PTPRT: variants seen among roughly 807,000 people sequenced by gnomAD.
The protein encoded by PTPRT is receptor-type tyrosine-protein phosphatase T.
Under a neutral mutation model 176.8 loss-of-function variants are expected in PTPRT, and 56 were observed. The ratio of observed to expected loss-of-function variants is 0.32; its 90% CI spans 0.26 to 0.40. The LOEUF is 0.40. Among genes scored for constraint, PTPRT ranks in the 10% least tolerant of loss-of-function variants. The probability of loss-of-function intolerance (pLI) is 1.00; values close to 1 mark genes in which losing one functional copy is unlikely to be tolerated. For synonymous variants in PTPRT, 783 were observed against 739.0 expected (o/e 1.06, Z -0.96); for missense variants, 1,540 against 1,908.2 (o/e 0.81, Z 3.60).
intron 12 of PTPRT, among the ~76,000 whole-genome samples, chr20:42,287,852 C>A (rs1206330698): frequency 6.6e-6 from 1 of 151,516 alleles, no homozygotes; most frequent in South Asian, 2.1e-4. Flanking sequence ...AATTAGTATA[C>A]GTTAAAAACA....
intron 1 of PTPRT, among the ~76,000 whole-genome samples, chr20:43,186,591 A>G (rs1037408103): frequency 1.3e-5 from 2 of 152,224 alleles, no homozygotes; most frequent in African/African-American, 4.8e-5. Flanking sequence ...TGACACCTTC[A>G]AGAGCTGTGC....
At chr20:42,059,568 T>G in the PTPRT span, among the ~76,000 whole-genome samples, 1,538 of 152,234 alleles carry the variant, frequency 0.01, 25 homozygotes, top group African/African-American at 0.035. Context: ...TTTTTTATGA[T>G]TGGATGTAAT....
intron 1 of PTPRT, among the ~76,000 whole-genome samples, chr20:43,042,082 G>A (rs1986630737): frequency 6.6e-6 from 1 of 152,158 alleles, no homozygotes. Context: ...TACAATAGCT[G>A]CTCCACTGAA....
chr20:42,802,427 C>A (rs576088255), intron 2 of PTPRT, among the ~76,000 whole-genome samples: 1 of 152,246 alleles, frequency 6.6e-6, no homozygotes, highest in African/African-American at 2.4e-5. Flanking sequence ...CCAACTCCAA[C>A]AGCCTGAGCC....
At chr20:42,845,474 T>A (rs1160930300) in intron 2 of PTPRT, among the ~76,000 whole-genome samples, 1 of 152,198 alleles carries the variant, frequency 6.6e-6, no homozygotes, top group Non-Finnish European at 1.5e-5. Flanking sequence ...CACATGTGTG[T>A]GACAGAGTGT....
rs146494918 is a variant in PTPRT, at chr20:42,187,479, A to C, written c.2491+11761T>G. On this transcript the variant is annotated intron_variant, in intron 16 of 30. Coordinates refer to ENST00000373187, the MANE Select transcript of PTPRT (RefSeq NM_007050.6). ...GAATTATGGAAATGGTGATGCACTG[A>C]GCATAGGGGCTTTGCCCATCCTTGG... 1.2e-4 allele frequency among the ~76,000 whole-genome samples: 18 copies of C among 152,336 alleles called. No homozygotes were observed. In the East Asian group the frequency reaches 3.5e-3, roughly 29 times the overall value.
intron 15 of PTPRT, among the ~76,000 whole-genome samples, chr20:42,228,360 A>G (rs2056064451): frequency 6.6e-6 from 1 of 152,240 alleles, no homozygotes; most frequent in African/African-American, 2.4e-5. Flanking sequence ...TCTGTTTGGC[A>G]TGCGTGACTG....
At chr20:42,906,766 A>C (rs992675723) in intron 1 of PTPRT, among the ~76,000 whole-genome samples, 1 of 152,202 alleles carries the variant, frequency 6.6e-6, no homozygotes, top group African/African-American at 2.4e-5. Flanking sequence ...TTCCCGTTTC[A>C]GTCTCACAAT....
At chr20:43,188,750 G>GA (rs1001041843) in intron 1 of PTPRT, among the ~76,000 whole-genome samples, 1 of 10,564 alleles carries the variant, frequency 9.5e-5, no homozygotes, top group Non-Finnish European at 3.4e-4. Context: ...CGCTACTCTT[G>GA]GGGGGGGGGG....
intron 1 of PTPRT, chr20:42,971,064 A>C (rs1982607574): frequency 6.6e-6 from 1 of 152,182 alleles, no homozygotes; most frequent in Admixed American, 6.5e-5. Context: ...GCATTTCAAA[A>C]CCCTAACAAA....
chr20:42,550,963 T>A (rs2072759754), intron 7 of PTPRT, among the ~76,000 whole-genome samples: 1 of 152,142 alleles, frequency 6.6e-6, no homozygotes, highest in Non-Finnish European at 1.5e-5. Flanking sequence ...TCATCGGAAT[T>A]GGACTCGATT....
chr20:42,543,616 C>A (rs2072621626), intron 7 of PTPRT, among the ~76,000 whole-genome samples: 1 of 151,728 alleles, frequency 6.6e-6, no homozygotes, highest in Non-Finnish European at 1.5e-5. Context: ...TCATGAATGT[C>A]CTTAATGGCA....
At chr20:43,001,484 A>AC (rs1286897263) in intron 1 of PTPRT, among the ~76,000 whole-genome samples, 11 of 64,212 alleles carry the variant, frequency 1.7e-4, no homozygotes, top group South Asian at 8.4e-4. Context: ...AACAACAACA[A>AC]AAAAAAAACA....
intron 15 of PTPRT, among the ~76,000 whole-genome samples, chr20:42,222,629 G>C (rs950531332): frequency 6.6e-6 from 1 of 152,226 alleles, no homozygotes; most frequent in African/African-American, 2.4e-5. Flanking sequence ...TGGAGAGAGA[G>C]CTTCCAGATA....
At chr20:42,469,881 C>T (rs890533774) in intron 8 of PTPRT, among the ~76,000 whole-genome samples, 4 of 152,066 alleles carry the variant, frequency 2.6e-5, no homozygotes, top group Non-Finnish European at 5.9e-5. Flanking sequence ...GGCACTATTT[C>T]CCTTGTCTTC....
rs187269321 is a variant in PTPRT at position 42,761,219 on chromosome 20, G to A, written c.685-4583C>T. ...GGAGGCCCAGGCAGGTGGACCACCT[G>A]AGGTAGGGAGTTCAAGACCAGCCTG... On this transcript the variant is annotated intron_variant, in intron 5 of 30. Transcript: ENST00000373187. 2.2e-3 allele frequency among the ~76,000 whole-genome samples: 341 copies of A among 152,212 alleles called. 5 individuals are homozygous for A. Among genetic ancestry groups the A allele is most frequent in the Non-Finnish European group, 1.2e-3 (84 of 68,018 alleles).
At chr20:42,149,716 G>T (rs993835417) in intron 17 of PTPRT, among the ~76,000 whole-genome samples, 19 of 152,274 alleles carry the variant, frequency 1.2e-4, no homozygotes, top group African/African-American at 4.3e-4. Context: ...GAGCCACCGC[G>T]CCTGACCCAG....
At chr20:42,259,170 A>G (rs970312247) in intron 13 of PTPRT, among the ~76,000 whole-genome samples, 1 of 152,236 alleles carries the variant, frequency 6.6e-6, no homozygotes, top group African/African-American at 2.4e-5. Context: ...CTATGCTTCC[A>G]GATAGACCTT....
chr20:42,400,464 G>C (rs2058893923), intron 9 of PTPRT, among the ~76,000 whole-genome samples: 2 of 152,114 alleles, frequency 1.3e-5, no homozygotes, highest in Admixed American at 1.3e-4. Flanking sequence ...TTCTACATTT[G>C]TGAGCAAGGA....
Sources: allele counts gnomAD v4.1 joint callset (sites outside exome capture counted in the v4.1 genomes callset), GRCh38; gene constraint gnomAD v4.1.1; transcripts MANE v1.5; gene names NCBI Gene and HGNC (gene_info 2026-07-23, HGNC 2026-07-21).